COG7: variants seen among roughly 807,000 people sequenced by gnomAD.
The protein encoded by COG7 is component of oligomeric golgi complex 7, also known as conserved oligomeric Golgi complex subunit 7.
Under a neutral mutation model 91.5 loss-of-function variants are expected in COG7, and 49 were observed. The ratio of observed to expected loss-of-function variants is 0.54; its 90% CI spans 0.43 to 0.68. COG7 has a LOEUF of 0.68. COG7 is among the 30% of genes least tolerant of loss of function. The probability of loss-of-function intolerance (pLI) is 0.00; values close to 1 mark genes in which losing one functional copy is unlikely to be tolerated. For missense variants in COG7, 895 were observed against 961.3 expected (o/e 0.93, Z 0.91); for synonymous variants, 365 against 388.7 (o/e 0.94, Z 0.72).
At chr16:23,440,418 G>A (rs1327360631) in intron 4 of COG7, among the ~76,000 whole-genome samples, 1 of 151,376 alleles carries the variant, frequency 6.6e-6, no homozygotes, top group Non-Finnish European at 1.5e-5. Flanking sequence ...GATACAAAGG[G>A]AGGTTGGCAG....
chr16:23,399,391 C>T lies in COG7; in HGVS notation c.1804-1262G>A, dbSNP rs113579762. On this transcript the variant is annotated intron_variant, in intron 13 of 16. Transcript: ENST00000307149. ...ACTCCCAATCCAGCGAGAAGGAACA[C>T]GCCAACCATCCACATTTACCAAGTA... 8.5e-3 allele frequency among the ~76,000 whole-genome samples: 1,291 copies of T among 152,300 alleles called. 17 individuals are homozygous for T. Among genetic ancestry groups the T allele is most frequent in the African/African-American group, 0.029 (1,218 of 41,556 alleles).
chr16:23,424,963 G>T lies in COG7; in HGVS notation c.811-16C>A. 1 of 1,536,134 alleles carries T rather than the reference G, an allele frequency of 6.5e-7. No homozygotes were observed. The highest frequency in any genetic ancestry group is 8.9e-7 in the Non-Finnish European group (1 of 1,118,980). ...TCTGGAAAACCTGCAGTGAGAGAGA[G>T]GTGTACCTGCCTTAGCACATGGAGC... On this transcript the variant is annotated splice_polypyrimidine_tract_variant and intron_variant, in intron 6 of 16. Coordinates refer to ENST00000307149, the MANE Select transcript of COG7 (RefSeq NM_153603.4).
chr16:23,424,977 A>G, intron 6 of COG7, 30 bp from the exon 7 acceptor site: 1 of 1,563,826 alleles, frequency 6.4e-7, no homozygotes, highest in Non-Finnish European at 8.7e-7. Flanking sequence ...TACCTGCCTT[A>G]GCACATGGAG....
intron 13 of COG7, among the ~76,000 whole-genome samples, chr16:23,399,621 T>C (rs1319549049): frequency 6.6e-6 from 1 of 151,494 alleles, no homozygotes; most frequent in African/African-American, 2.4e-5. Context: ...CTCCCACTTC[T>C]AGAGCTCTCG....
intron 1 of COG7, among the ~76,000 whole-genome samples, chr16:23,447,980 T>C (rs1964208332): frequency 6.6e-6 from 1 of 152,128 alleles, no homozygotes. Flanking sequence ...AATCCAACAC[T>C]GGGTCTTGTT....
chr16:23,451,865 T>C (rs1964271410), intron 1 of COG7, among the ~76,000 whole-genome samples: 1 of 152,160 alleles, frequency 6.6e-6, no homozygotes, highest in African/African-American at 2.4e-5. Flanking sequence ...TTTTTCCAGA[T>C]ATATGGATCT....
At chr16:23,438,678 G>A (rs183347923) in intron 4 of COG7, among the ~76,000 whole-genome samples, 1 of 151,848 alleles carries the variant, frequency 6.6e-6, no homozygotes, top group Admixed American at 6.6e-5. Flanking sequence ...TTAGAGGAAT[G>A]AAAATCAAAA....
At position 23,413,499 on chromosome 16, in the gene COG7, G is replaced by A. The variant is rs1963601146; in HGVS notation, c.1358C>T (p.Pro453Leu). 5 of 1,612,916 alleles carry A rather than the reference G, an allele frequency of 3.1e-6. No homozygotes were observed. Among genetic ancestry groups the A allele is most frequent in the Non-Finnish European group, 4.2e-6 (5 of 1,178,876 alleles). The change falls in exon 10 of 17, where the codon CCT becomes CTT. Residue 453 changes from proline to leucine, a missense_variant. Pro to Leu is a moderately conservative substitution (Grantham distance 98). Coordinates refer to ENST00000307149, the MANE Select transcript of COG7 (RefSeq NM_153603.4). ...ATCTTCCTGGAAGAGGGAGTTGGGA[G>A]GAATGTGGTCCAGTTTGCACTTCTT... ...IRKKCKLDHIPPNSLFQEDWT... is the reference protein window; with the variant it reads ...IRKKCKLDHILPNSLFQEDWT...
In COG7 at chr16:23,393,227, G is replaced by A. The variant is rs758814368; in HGVS notation, c.2002+6C>T. On this transcript the variant is annotated splice_donor_region_variant and intron_variant, in intron 15 of 16. Transcript: ENST00000307149. ...TGTAACATCGCCAGAAACGGTCCCCGCTTACCCTGCTCAGGAGGAAATGGC... is the reference window on the plus strand; with the variant it reads ...TGTAACATCGCCAGAAACGGTCCCCACTTACCCTGCTCAGGAGGAAATGGC... The A allele has an allele frequency of 8.7e-6, 14 of 1,606,616 alleles. No homozygotes were observed. The highest frequency in any genetic ancestry group is 1.7e-5 in the Admixed American group (1 of 59,946).
At chr16:23,439,304 C>CAA (rs904010571) in intron 4 of COG7, among the ~76,000 whole-genome samples, 4 of 38,850 alleles carry the variant, frequency 1.0e-4, no homozygotes, top group African/African-American at 1.9e-4. Flanking sequence ...ACTGTGTCTC[C>CAA]AAAAAAAAAA....
At chr16:23,420,584 C>T (rs571867848) in intron 7 of COG7, among the ~76,000 whole-genome samples, 1 of 152,316 alleles carries the variant, frequency 6.6e-6, no homozygotes, top group African/African-American at 2.4e-5. Context: ...TTAACTCCTA[C>T]TTCTCCTTCA....
intron 5 of COG7, among the ~76,000 whole-genome samples, chr16:23,433,950 C>T (rs1333771372): frequency 6.6e-6 from 1 of 152,194 alleles, no homozygotes; most frequent in Non-Finnish European, 1.5e-5. Flanking sequence ...CACACCATCA[C>T]TCTTCTGAAT....
chr16:23,423,922 A>T (rs1963801513), intron 7 of COG7, among the ~76,000 whole-genome samples: 1 of 152,222 alleles, frequency 6.6e-6, no homozygotes, highest in Admixed American at 6.5e-5. Flanking sequence ...TCAGTCGGCC[A>T]CCGGGGAAAG....
rs1963314080 is a variant in COG7, at chr16:23,398,107, C to T, written c.1826G>A (p.Gly609Glu). 6.2e-7 allele frequency: 1 copy of T among 1,614,026 alleles called. No individual in the cohort carries two copies. Among genetic ancestry groups the T allele is most frequent in the Admixed American group, 1.7e-5 (1 of 59,998 alleles). ...KMDSWNTAGI[G>E]ETLTDELPAF... ...GGGCAGTTCATCTGTGAGGGTTTCTCCGATGCCAGCCGTATTCCAGCTCTA... is the reference window on the plus strand; with the variant it reads ...GGGCAGTTCATCTGTGAGGGTTTCTTCGATGCCAGCCGTATTCCAGCTCTA... Residue 609 changes from glycine to glutamate, a missense_variant, in exon 14 of 17, where the codon GGA (glycine) becomes GAA (glutamate). By Grantham distance (98) the Gly-to-Glu change is moderately conservative. Coordinates refer to ENST00000307149, the MANE Select transcript of COG7 (RefSeq NM_153603.4).
intron 16 of COG7, among the ~76,000 whole-genome samples, chr16:23,391,611 G>A (rs1963197014): frequency 6.6e-6 from 1 of 152,242 alleles, no homozygotes. Flanking sequence ...TGAGGACGAA[G>A]CTCTGGCTGT....
At chr16:23,400,238 T>C (rs75969326) in intron 13 of COG7, among the ~76,000 whole-genome samples, 2,813 of 151,990 alleles carry the variant, frequency 0.019, 46 homozygotes, top group Middle Eastern at 0.088. Context: ...TGAAGGTGAA[T>C]ACAGCAGCTC....
At chr16:23,449,266 G>C (rs1420417132) in intron 1 of COG7, among the ~76,000 whole-genome samples, 3 of 151,928 alleles carry the variant, frequency 2.0e-5, no homozygotes, top group African/African-American at 7.3e-5. Flanking sequence ...GGGAGGCTGA[G>C]GCAGGAGAAT....
chr16:23,438,344 A>G (rs532065189), intron 4 of COG7, among the ~76,000 whole-genome samples: 1 of 152,260 alleles, frequency 6.6e-6, no homozygotes, highest in African/African-American at 2.4e-5. Flanking sequence ...GGATTGTTTG[A>G]GTCCAGGAGT....
intron 13 of COG7, among the ~76,000 whole-genome samples, chr16:23,402,206 C>A (rs913946914): frequency 1.3e-5 from 2 of 152,140 alleles, no homozygotes; most frequent in Non-Finnish European, 2.9e-5. Flanking sequence ...AATTCCATTT[C>A]TTCCTATAGA....
Sources: gnomAD v4.1 joint callset for allele counts (sites outside exome capture counted in the v4.1 genomes callset) on GRCh38, gnomAD v4.1.1 for gene constraint, MANE v1.5 for transcripts, NCBI Gene and HGNC (gene_info 2026-07-23, HGNC 2026-07-21) for gene names.